The following GPR89B variants were observed in gnomAD, a reference collection of about 807,000 sequenced individuals.
The protein encoded by GPR89B is golgi pH regulator B.
Under a neutral mutation model 52.4 loss-of-function variants are expected in GPR89B, and 25 were observed. That is an observed-to-expected ratio of 0.48 (90% CI 0.35 to 0.67). The LOEUF (loss-of-function observed/expected upper bound fraction) is 0.67, where lower values mean the gene tolerates loss of function less well. Among genes scored for constraint, GPR89B ranks in the 30% least tolerant of loss-of-function variants. The pLI is 0.01. For missense variants in GPR89B, 146 were observed against 450.2 expected, an observed-to-expected ratio of 0.32 and a Z score of 6.11; for synonymous variants, 52 against 151.2, an observed-to-expected ratio of 0.34 and a Z score of 4.81.
At chr1:147,957,715 C>T (rs1458732504) in intron 7 of GPR89B, among the ~76,000 whole-genome samples, 3 of 151,760 alleles carry the variant, frequency 2.0e-5, no homozygotes, top group Non-Finnish European at 4.4e-5. Flanking sequence ...TTCTTCAACA[C>T]TTTTCTATAG....
intron 10 of GPR89B, among the ~76,000 whole-genome samples, chr1:147,973,050 C>T (rs1232764258): frequency 6.6e-5 from 10 of 151,474 alleles, no homozygotes; most frequent in East Asian, 1.9e-4. Flanking sequence ...TTTCTTTATC[C>T]GGTCTATCAT....
At chr1:147,937,423 C>T (rs587601882) in intron 2 of GPR89B, among the ~76,000 whole-genome samples, 22 of 152,228 alleles carry the variant, frequency 1.4e-4, no homozygotes, top group Non-Finnish European at 2.8e-4. Flanking sequence ...AAATAGGGTT[C>T]GAGAGCAGAC....
At chr1:147,951,854 G>GA (rs1283753371) in intron 5 of GPR89B, among the ~76,000 whole-genome samples, 1 of 151,756 alleles carries the variant, frequency 6.6e-6, no homozygotes, top group African/African-American at 2.4e-5. Flanking sequence ...CACAAGTGGA[G>GA]AAGTTAGCTT....
chr1:147,929,747 A>G lies in GPR89B; in HGVS notation c.42+1169A>G, dbSNP rs587702504. On this transcript the variant is annotated intron_variant, in intron 1 of 13. Transcript: ENST00000314163. ...GTTTACAATATTTAAGAAAATAAGA[A>G]AGAAGGAAAAGCCATCCATAATCCT... 2.0e-5 allele frequency among the ~76,000 whole-genome samples: 3 copies of G among 152,328 alleles called. No individual in the cohort carries two copies. The South Asian group carries it at 6.2e-4, about 32-fold the overall frequency.
intron 5 of GPR89B, among the ~76,000 whole-genome samples, chr1:147,950,758 C>T (rs1338101511): frequency 6.6e-5 from 10 of 152,252 alleles, no homozygotes; most frequent in South Asian, 2.1e-4. Context: ...CAGTGAAACC[C>T]CGTCTCCACC....
In GPR89B at chr1:147,981,318, G is replaced by GACACACACACACACACAC. The variant is rs1189035337; in HGVS notation, c.910-4870_910-4869insCACACACACACACACACA. ...CCCCATTCTTTACCCCTCCCTCCCC[G>GACACACACACACACACAC]ACACACACACATACACACACACACA... is the stretch of plus-strand genomic sequence containing the variant. On this transcript the variant is annotated intron_variant, in intron 10 of 13. Coordinates refer to ENST00000314163, the MANE Select transcript of GPR89B (RefSeq NM_016334.5). 3.9e-3 allele frequency among the ~76,000 whole-genome samples: 577 copies of GACACACACACACACACAC among 149,136 alleles called. 5 individuals are homozygous for GACACACACACACACACAC. The highest frequency in any genetic ancestry group is 0.028 in the East Asian group (142 of 5,050).
chr1:148,020,501 C>T, the GPR89B span, among the ~76,000 whole-genome samples: 1 of 151,386 alleles, frequency 6.6e-6, no homozygotes, highest in African/African-American at 2.4e-5. Context: ...GTAGAATTCT[C>T]GCCTCCCACC....
At chr1:147,945,322 A>G (rs1485171345) in intron 5 of GPR89B, among the ~76,000 whole-genome samples, 2 of 146,608 alleles carry the variant, frequency 1.4e-5, no homozygotes, top group Non-Finnish European at 3.0e-5. Flanking sequence ...TTGGCTTTCT[A>G]AACTCTGTAG....
the GPR89B span, among the ~76,000 whole-genome samples, chr1:148,017,258 G>A: frequency 6.6e-6 from 1 of 150,962 alleles, no homozygotes; most frequent in African/African-American, 2.4e-5. Context: ...TAGCCAGGAT[G>A]GTCTCAATCT....
chr1:148,012,277 G>T, the GPR89B span: 1 of 151,744 alleles, frequency 6.6e-6, no homozygotes, highest in Admixed American at 6.6e-5. Flanking sequence ...TCAGGATTGG[G>T]GGTGGGGAGG....
the GPR89B span, among the ~76,000 whole-genome samples, chr1:148,017,725 G>A: frequency 7.1e-5 from 10 of 141,360 alleles, no homozygotes; most frequent in Admixed American, 2.9e-4. Context: ...GTGACAGAGC[G>A]AGACTCCGTC....
chr1:147,936,134 C>T (rs1654066815), intron 1 of GPR89B, among the ~76,000 whole-genome samples: 1 of 152,106 alleles, frequency 6.6e-6, no homozygotes, highest in African/African-American at 2.4e-5. Flanking sequence ...TCTCATGCCT[C>T]AGCCTTTGGA....
the GPR89B span, chr1:148,001,487 TC>T: frequency 1.9e-5 from 13 of 682,976 alleles, no homozygotes; most frequent in Non-Finnish European, 3.0e-5. Context: ...CTGCTGGACT[TC>T]CAGAATCTAT....
chr1:148,003,023 C>T, the GPR89B span, among the ~76,000 whole-genome samples: 205 of 152,302 alleles, frequency 1.3e-3, 4 homozygotes, highest in East Asian at 0.036. Flanking sequence ...TAACCTCTAT[C>T]TCCCTTCATT....
intron 10 of GPR89B, among the ~76,000 whole-genome samples, chr1:147,970,497 C>CTA (rs1657350815): frequency 1.5e-5 from 2 of 131,878 alleles, no homozygotes; most frequent in African/African-American, 7.6e-5. Context: ...CTCCATCTCT[C>CTA]TCTCTCTCTC....
chr1:148,000,513 G>A, the GPR89B span, among the ~76,000 whole-genome samples: 22 of 152,032 alleles, frequency 1.4e-4, no homozygotes, highest in South Asian at 2.1e-4. Flanking sequence ...ACCACCTTCA[G>A]TCTTTACTAA....
chr1:147,997,824 G>A (rs1440444052), downstream of GPR89B, among the ~76,000 whole-genome samples: 4 of 143,998 alleles, frequency 2.8e-5, no homozygotes, highest in Non-Finnish European at 4.4e-5. Flanking sequence ...CTGTTATATG[G>A]TCACATATTG....
intron 8 of GPR89B, chr1:147,968,224 A>G (rs1188322472): frequency 2.2e-6 from 1 of 453,340 alleles, no homozygotes; most frequent in Non-Finnish European, 4.4e-6. Context: ...GTTCTTGGAA[A>G]ATAACATAGT....
chr1:147,987,248 G>C (rs1196253888), intron 11 of GPR89B, among the ~76,000 whole-genome samples: 3 of 152,240 alleles, frequency 2.0e-5, no homozygotes, highest in Admixed American at 6.5e-5. Context: ...AGGCCACGCA[G>C]TACTGTGGCC....
Sources: allele counts gnomAD v4.1 joint callset (sites outside exome capture counted in the v4.1 genomes callset), GRCh38; gene constraint gnomAD v4.1.1; transcripts MANE v1.5; gene names NCBI Gene and HGNC (gene_info 2026-07-23, HGNC 2026-07-21).